The following RBFOX1 variants were observed in gnomAD, a reference collection of about 807,000 sequenced individuals.
RBFOX1 encodes the protein RNA binding protein fox-1 homolog 1.
A neutral mutation model predicts 57.7 loss-of-function variants in RBFOX1; 8 were observed. The observed-to-expected ratio is 0.14, with a 90% CI of 0.08 to 0.25. The LOEUF (loss-of-function observed/expected upper bound fraction) is 0.25, where lower values mean the gene tolerates loss of function less well. Among genes scored for constraint, RBFOX1 ranks in the 10% least tolerant of loss-of-function variants. The pLI, the probability that RBFOX1 is intolerant of heterozygous loss-of-function variation, is 1.00. For synonymous variants in RBFOX1, 326 were observed against 222.4 expected (o/e 1.47, Z -4.15); for missense variants, 611 against 548.5 (o/e 1.11, Z -1.14).
intron 3 of RBFOX1, among the ~76,000 whole-genome samples, chr16:6,968,329 C>G (rs575963056): frequency 6.6e-6 from 1 of 152,226 alleles, no homozygotes; most frequent in Non-Finnish European, 1.5e-5. Flanking sequence ...GGAAACAATG[C>G]AAACATTTCA....
intron 4 of RBFOX1, among the ~76,000 whole-genome samples, chr16:7,140,190 CT>C (rs1600728104): frequency 1.4e-5 from 2 of 145,734 alleles, no homozygotes; most frequent in Non-Finnish European, 3.0e-5. Flanking sequence ...CTCTCTCTCT[CT>C]CTCCCTCCTT....
intron 4 of RBFOX1, among the ~76,000 whole-genome samples, chr16:7,397,367 G>C (rs1359060439): frequency 6.6e-6 from 1 of 152,126 alleles, no homozygotes; most frequent in Non-Finnish European, 1.5e-5. Context: ...GCAGACTGTA[G>C]GACACCAGTC....
At chr16:5,908,247 TAC>T (rs749593984) in intron 4 of RBFOX1, among the ~76,000 whole-genome samples, 59 of 147,558 alleles carry the variant, frequency 4.0e-4, no homozygotes, top group Non-Finnish European at 6.0e-4. Flanking sequence ...TACATATACA[TAC>T]ACACACATAT....
intron 4 of RBFOX1, among the ~76,000 whole-genome samples, chr16:7,358,771 G>A: frequency 6.6e-6 from 1 of 152,134 alleles, no homozygotes; most frequent in Admixed American, 6.6e-5. Context: ...AGGTGGTACA[G>A]CAATGTTTGT....
chr16:7,313,087 G>T (rs765512696), intron 4 of RBFOX1, among the ~76,000 whole-genome samples: 6 of 152,162 alleles, frequency 3.9e-5, no homozygotes, highest in Non-Finnish European at 7.4e-5. Context: ...AGGGGTGTGG[G>T]ACTCGTACTT....
intron 2 of RBFOX1, among the ~76,000 whole-genome samples, chr16:6,520,837 A>G (rs2096484572): frequency 6.6e-6 from 1 of 152,144 alleles, no homozygotes. Context: ...GGAACTTCCA[A>G]AAAGGACTTT....
intron 4 of RBFOX1, among the ~76,000 whole-genome samples, chr16:7,325,246 C>G (rs1275234873): frequency 2.0e-5 from 3 of 152,170 alleles, no homozygotes; most frequent in East Asian, 3.9e-4. Flanking sequence ...CTGGACCACT[C>G]CATGTGTTAT....
At chr16:6,801,518 G>C (rs554033876) in intron 3 of RBFOX1, among the ~76,000 whole-genome samples, 7 of 152,178 alleles carry the variant, frequency 4.6e-5, no homozygotes, top group African/African-American at 1.7e-4. Flanking sequence ...TGCTTGTCAT[G>C]GGTAAGCAAA....
chr16:7,124,191 C>T (rs116490667), intron 4 of RBFOX1, among the ~76,000 whole-genome samples: 2,326 of 152,092 alleles, frequency 0.015, 63 homozygotes, highest in African/African-American at 0.052. Flanking sequence ...GACAGCACTT[C>T]GGGAGGCCAA....
chr16:5,974,373 C>T (rs1424654626), intron 4 of RBFOX1, among the ~76,000 whole-genome samples: 8 of 152,132 alleles, frequency 5.3e-5, no homozygotes, highest in African/African-American at 1.9e-4. Flanking sequence ...CGTTGGGAGG[C>T]CGAGGCGGGT....
intron 1 of RBFOX1, among the ~76,000 whole-genome samples, chr16:6,221,323 A>G (rs959434661): frequency 6.6e-6 from 1 of 152,132 alleles, no homozygotes; most frequent in Non-Finnish European, 1.5e-5. Context: ...TTTAATTTGA[A>G]TTTCATTACT....
intron 1 of RBFOX1, among the ~76,000 whole-genome samples, chr16:6,288,154 T>G (rs185551421): frequency 2.6e-5 from 4 of 152,180 alleles, no homozygotes; most frequent in Non-Finnish European, 4.4e-5. Flanking sequence ...GTAAAATTAC[T>G]GTGTCTTAAT....
rs1210818510 is a variant in RBFOX1 at position 6,958,932 on chromosome 16, C to G, written c.-15-93125C>G. Among the ~76,000 whole-genome samples, 8 of 152,052 alleles carry G rather than the reference C, an allele frequency of 5.3e-5. No individual in the cohort carries two copies. The South Asian group carries it at 1.2e-3, about 24-fold the overall frequency. ...TGACAAGGCGTATTCTCCATCCTGA[C>G]ATAGGCAGCATGGTTCTATGTAAAG... On this transcript the variant is annotated intron_variant, in intron 3 of 15. Transcript: ENST00000550418.
At chr16:7,430,497 T>C (rs1236984727) in intron 4 of RBFOX1, among the ~76,000 whole-genome samples, 1 of 151,812 alleles carries the variant, frequency 6.6e-6, no homozygotes, top group East Asian at 1.9e-4. Flanking sequence ...CCGTCTTTAC[T>C]AAAAATACAA....
At chr16:5,578,841 A>C (rs77567335) in intron 2 of RBFOX1, among the ~76,000 whole-genome samples, 2,849 of 89,492 alleles carry the variant, frequency 0.032, 89 homozygotes, top group African/African-American at 0.09. Context: ...ACACACACAC[A>C]CCCTTTTTTT....
intron 2 of RBFOX1, among the ~76,000 whole-genome samples, chr16:6,334,852 G>C (rs191957413): frequency 3.7e-4 from 57 of 152,298 alleles, no homozygotes; most frequent in Non-Finnish European, 2.2e-4. Flanking sequence ...CTAGACAGAA[G>C]AAACTTTTCC....
chr16:6,803,707 A>C (rs2086036743), intron 3 of RBFOX1, among the ~76,000 whole-genome samples: 1 of 152,142 alleles, frequency 6.6e-6, no homozygotes, highest in African/African-American at 2.4e-5. Context: ...CAGAGAATAG[A>C]GACTTTGTTT....
intron 2 of RBFOX1, among the ~76,000 whole-genome samples, chr16:6,348,633 G>A (rs2085774024): frequency 6.6e-6 from 1 of 152,178 alleles, no homozygotes; most frequent in Non-Finnish European, 1.5e-5. Context: ...ACTCATGACG[G>A]AAGGCAAAGC....
chr16:5,279,258 TA>T (rs1424781554), intron 1 of RBFOX1, among the ~76,000 whole-genome samples: 1 of 152,178 alleles, frequency 6.6e-6, no homozygotes, highest in Admixed American at 6.5e-5. Context: ...CAATTTATTT[TA>T]TCAGTGTTTT....
Sources: gnomAD v4.1 joint callset for allele counts (sites outside exome capture counted in the v4.1 genomes callset) on GRCh38, gnomAD v4.1.1 for gene constraint, MANE v1.5 for transcripts, NCBI Gene and HGNC (gene_info 2026-07-23, HGNC 2026-07-21) for gene names.